Variants in ZCCHC14 observed in about 807,000 individuals in gnomAD.
ZCCHC14 encodes zinc finger CCHC domain-containing protein 14.
ZCCHC14 carries 16 observed loss-of-function variants against 85.0 expected under a neutral mutation model. The observed-to-expected ratio is 0.19, with a 90% CI of 0.13 to 0.29. The LOEUF is 0.29. Ranked by LOEUF, ZCCHC14 falls within the 10% of genes least tolerant of loss-of-function variation. The pLI, the probability that ZCCHC14 is intolerant of heterozygous loss-of-function variation, is 1.00. For synonymous variants in ZCCHC14, 775 were observed against 630.7 expected, an observed-to-expected ratio of 1.23 and a Z score of -3.43; for missense variants, 1,303 against 1,443.5, an observed-to-expected ratio of 0.90 and a Z score of 1.58.
intron 9 of ZCCHC14, 119 bp from the exon 10 acceptor site, chr16:87,414,660 G>C (rs1220540753): frequency 4.4e-6 from 6 of 1,378,200 alleles, no homozygotes; most frequent in African/African-American, 1.5e-5. Flanking sequence ...GCGACTTCGA[G>C]ATGGGTCTAC....
chr16:87,424,165 C>T (rs1409642945), intron 3 of ZCCHC14, among the ~76,000 whole-genome samples: 1 of 152,212 alleles, frequency 6.6e-6, no homozygotes, highest in Non-Finnish European at 1.5e-5. Context: ...CTAGAAAATC[C>T]CTGACAATTG....
chr16:87,411,186 CCA>C (rs1303865724), intron 12 of ZCCHC14, among the ~76,000 whole-genome samples: 2 of 152,214 alleles, frequency 1.3e-5, no homozygotes, highest in Non-Finnish European at 2.9e-5. Context: ...CCTGAGGGCC[CCA>C]GTGTTAAGCC....
At chr16:87,441,596 C>G (rs1452653276) in intron 2 of ZCCHC14, among the ~76,000 whole-genome samples, 3 of 152,158 alleles carry the variant, frequency 2.0e-5, no homozygotes, top group Non-Finnish European at 4.4e-5. Flanking sequence ...AAAACAAAAT[C>G]TGAACTAGAA....
chr16:87,441,055 G>C (rs1326045282), intron 2 of ZCCHC14, among the ~76,000 whole-genome samples: 11 of 150,452 alleles, frequency 7.3e-5, no homozygotes, highest in African/African-American at 2.5e-4. Flanking sequence ...CCAGGCTGGA[G>C]TGCAGCGGCG....
Position 87,481,815 on chromosome 16 carries a change from T to C in ZCCHC14, c.570+9854A>G, listed in dbSNP as rs1389344648. Reference sequence around the variant, plus strand: ...GGTGTCTTGGTCTGTTTTGTGTTCCTGTAACAGAATACCACAGAGTAGGTA... The same window carrying C: ...GGTGTCTTGGTCTGTTTTGTGTTCCCGTAACAGAATACCACAGAGTAGGTA... On this transcript the variant is annotated intron_variant, in intron 1 of 12. Transcript: ENST00000671377. Among the ~76,000 whole-genome samples the C allele has an allele frequency of 6.6e-5, 10 of 152,314 alleles. No homozygotes were observed. The South Asian group carries it at 2.1e-3, about 32-fold the overall frequency.
At chr16:87,468,130 T>C (rs8055777) in intron 1 of ZCCHC14, among the ~76,000 whole-genome samples, 28,666 of 152,210 alleles carry the variant, frequency 0.19, 3,504 homozygotes, top group South Asian at 0.58. Context: ...TCTTCATTTA[T>C]TTGTATGTGT....
intron 2 of ZCCHC14, among the ~76,000 whole-genome samples, chr16:87,459,245 C>T (rs1272704386): frequency 1.3e-5 from 2 of 152,186 alleles, no homozygotes; most frequent in Admixed American, 6.5e-5. Flanking sequence ...AGGTGGAAAA[C>T]ACTCCGTCAC....
At chr16:87,450,038 C>T (rs1465833502) in intron 2 of ZCCHC14, among the ~76,000 whole-genome samples, 2 of 152,136 alleles carry the variant, frequency 1.3e-5, no homozygotes, top group Admixed American at 6.5e-5. Context: ...CAGAGTAAGA[C>T]CCTGTCTCAA....
chr16:87,478,435 G>C (rs960506208), intron 1 of ZCCHC14, among the ~76,000 whole-genome samples: 1 of 152,160 alleles, frequency 6.6e-6, no homozygotes, highest in Non-Finnish European at 1.5e-5. Context: ...AAAATGGCCT[G>C]AGTTCTCACG....
intron 9 of ZCCHC14, 63 bp downstream of exon 9, chr16:87,415,213 C>G: frequency 6.8e-7 from 1 of 1,470,862 alleles, no homozygotes; most frequent in South Asian, 1.1e-5. Context: ...GAAGCCTCAG[C>G]ACTCCATTCG....
At chr16:87,483,557 A>C (rs1597455680) in intron 1 of ZCCHC14, among the ~76,000 whole-genome samples, 1 of 152,286 alleles carries the variant, frequency 6.6e-6, no homozygotes, top group East Asian at 1.9e-4. Context: ...GGAGACAAAC[A>C]ACTCACCAAA....
intron 5 of ZCCHC14, 101 bp from the exon 6 acceptor site, chr16:87,419,978 G>A: frequency 2.1e-6 from 2 of 970,722 alleles, no homozygotes; most frequent in Non-Finnish European, 3.0e-6. Context: ...ATGTGTATTA[G>A]AGGAAAAAAG....
chr16:87,436,423 G>A (rs1238921313), intron 2 of ZCCHC14, among the ~76,000 whole-genome samples: 1 of 152,260 alleles, frequency 6.6e-6, no homozygotes, highest in African/African-American at 2.4e-5. Flanking sequence ...GCTGAGAAGA[G>A]GAGCCTGGGA....
intron 6 of ZCCHC14, among the ~76,000 whole-genome samples, 172 bp from the exon 7 acceptor site, chr16:87,419,073 C>A (rs1908950034): frequency 6.6e-6 from 1 of 152,096 alleles, no homozygotes; most frequent in African/African-American, 2.4e-5. Flanking sequence ...TCTCCTGCCT[C>A]AGCCTCCCGA....
chr16:87,444,897 A>G (rs1358899120), intron 2 of ZCCHC14, among the ~76,000 whole-genome samples: 1 of 152,132 alleles, frequency 6.6e-6, no homozygotes, highest in Non-Finnish European at 1.5e-5. Context: ...TGACATCTCA[A>G]TGCCAACTTC....
At chr16:87,437,574 T>C (rs1295613737) in intron 2 of ZCCHC14, among the ~76,000 whole-genome samples, 1 of 152,126 alleles carries the variant, frequency 6.6e-6, no homozygotes, top group Non-Finnish European at 1.5e-5. Flanking sequence ...CAGGCCTGTG[T>C]GGGGACAAAC....
At chr16:87,485,037 C>G (rs1467519404) in intron 1 of ZCCHC14, among the ~76,000 whole-genome samples, 1 of 152,172 alleles carries the variant, frequency 6.6e-6, no homozygotes, top group Non-Finnish European at 1.5e-5. Context: ...TAAGACATTT[C>G]AAGGGCGAAT....
At position 87,423,599 on chromosome 16, in the gene ZCCHC14, G is replaced by C. The variant is rs557566095; in HGVS notation, c.840+211C>G. Among the ~76,000 whole-genome samples, 95 of 152,302 alleles carry C rather than the reference G, an allele frequency of 6.2e-4. 1 individual carries two copies. The highest frequency in any genetic ancestry group is 2.3e-3 in the African/African-American group (94 of 41,560). ...CCTCATCTCAGTCTCAACAAGTGAAGGAGGCATCCGCGGGGTCACGGACCT... is the reference window on the plus strand; with the variant it reads ...CCTCATCTCAGTCTCAACAAGTGAACGAGGCATCCGCGGGGTCACGGACCT... On this transcript the variant is annotated intron_variant, in intron 4 of 12. Coordinates refer to ENST00000671377, the MANE Select transcript of ZCCHC14 (RefSeq NM_015144.3).
intron 2 of ZCCHC14, among the ~76,000 whole-genome samples, chr16:87,440,384 C>G (rs1012602243): frequency 6.6e-6 from 1 of 152,252 alleles, no homozygotes; most frequent in East Asian, 1.9e-4. Flanking sequence ...AGGCTGGTCT[C>G]GAACTCCTAA....
Sources: allele counts gnomAD v4.1 joint callset (sites outside exome capture counted in the v4.1 genomes callset), GRCh38; gene constraint gnomAD v4.1.1; transcripts MANE v1.5; gene names NCBI Gene and HGNC (gene_info 2026-07-23, HGNC 2026-07-21).